BMAL2: variants seen among roughly 807,000 people sequenced by gnomAD.
The protein encoded by BMAL2 is basic helix-loop-helix ARNT-like protein 2.
At chr12:27,390,618 A>C in the BMAL2 span, 1,187 of 163,838 alleles carry the variant, frequency 7.2e-3, 16 homozygotes, top group African/African-American at 0.027. Flanking sequence ...TGATTTGACT[A>C]ATTTTGGTGA....
At chr12:27,374,106 T>G in the BMAL2 span, among the ~76,000 whole-genome samples, 1 of 152,300 alleles carries the variant, frequency 6.6e-6, no homozygotes, top group Admixed American at 6.5e-5. Flanking sequence ...GGAGGCAAAT[T>G]CACTCAGTGA....
At chr12:27,381,665 C>T in the BMAL2 span, among the ~76,000 whole-genome samples, 1 of 152,164 alleles carries the variant, frequency 6.6e-6, no homozygotes, top group East Asian at 1.9e-4. Context: ...AGAGCCAAAC[C>T]ATGTCAACAT....
the BMAL2 span, among the ~76,000 whole-genome samples, chr12:27,363,932 T>C: frequency 8.1e-4 from 123 of 152,326 alleles, no homozygotes; most frequent in South Asian, 0.022. Flanking sequence ...GATGCTGCTA[T>C]AACAAAACAC....
the BMAL2 span, among the ~76,000 whole-genome samples, chr12:27,373,193 A>G: frequency 6.6e-6 from 1 of 152,200 alleles, no homozygotes; most frequent in Admixed American, 6.5e-5. Context: ...GGGCAGGGAA[A>G]GGAAGGGACA....
chr12:27,350,994 C>CCTT, the BMAL2 span, among the ~76,000 whole-genome samples: 25 of 94,286 alleles, frequency 2.7e-4, no homozygotes, highest in East Asian at 1.5e-3. Flanking sequence ...CCCACCCCCC[C>CCTT]TTTTTTTTTT....
At chr12:27,362,300 G>A in the BMAL2 span, among the ~76,000 whole-genome samples, 8 of 152,180 alleles carry the variant, frequency 5.3e-5, no homozygotes, top group African/African-American at 1.9e-4. Context: ...TTGATCTCAT[G>A]TGGTAGGTGG....
the BMAL2 span, among the ~76,000 whole-genome samples, chr12:27,389,546 T>C: frequency 6.6e-6 from 1 of 152,202 alleles, no homozygotes; most frequent in South Asian, 2.1e-4. Context: ...TCATATTTGC[T>C]ATTTTTCATA....
At chr12:27,349,873 C>T in the BMAL2 span, among the ~76,000 whole-genome samples, 6 of 152,072 alleles carry the variant, frequency 3.9e-5, no homozygotes, top group African/African-American at 1.4e-4. Flanking sequence ...GACAAAAATG[C>T]TCTTGCTGTG....
chr12:27,388,656 G>A, the BMAL2 span, among the ~76,000 whole-genome samples: 2 of 152,082 alleles, frequency 1.3e-5, no homozygotes, highest in Non-Finnish European at 2.9e-5. Flanking sequence ...TCTGAGGGGT[G>A]GGACTGTATC....
chr12:27,420,019 G>GCGCGCGCGCACACACACACACACACA, the BMAL2 span, among the ~76,000 whole-genome samples: 190 of 147,562 alleles, frequency 1.3e-3, 1 homozygote, highest in African/African-American at 4.5e-3. Context: ...GTTTGCGCGT[G>GCGCGCGCGCACACACACACACACACA]CACACACACA....
At chr12:27,374,827 T>C in the BMAL2 span, among the ~76,000 whole-genome samples, 3 of 152,216 alleles carry the variant, frequency 2.0e-5, no homozygotes, top group Admixed American at 1.3e-4. Flanking sequence ...CTCCTTCATC[T>C]GTAAAATGGG....
chr12:27,386,998 AC>A, the BMAL2 span, among the ~76,000 whole-genome samples: 1 of 152,196 alleles, frequency 6.6e-6, no homozygotes, highest in Non-Finnish European at 1.5e-5. Context: ...CTGCAGCCAA[AC>A]TTTTCATGTC....
At chr12:27,384,895 A>G in the BMAL2 span, among the ~76,000 whole-genome samples, 1 of 152,328 alleles carries the variant, frequency 6.6e-6, no homozygotes, top group African/African-American at 2.4e-5. Flanking sequence ...ATTTTATTTC[A>G]TGTACATTTT....
the BMAL2 span, among the ~76,000 whole-genome samples, chr12:27,399,228 C>T: frequency 6.3e-3 from 962 of 152,272 alleles, 13 homozygotes; most frequent in African/African-American, 0.022. Flanking sequence ...ATGCTTCAGC[C>T]GCATCTGACC....
chr12:27,333,600 C>T, the BMAL2 span, among the ~76,000 whole-genome samples: 1 of 152,246 alleles, frequency 6.6e-6, no homozygotes, highest in African/African-American at 2.4e-5. Context: ...GCTGATAATA[C>T]TCGCGGCTTC....
the BMAL2 span, among the ~76,000 whole-genome samples, chr12:27,403,981 G>A: frequency 2.6e-5 from 4 of 151,176 alleles, no homozygotes; most frequent in Non-Finnish European, 4.4e-5. Flanking sequence ...TGGGCAACAT[G>A]GCAAAACCTC....
the BMAL2 span, chr12:27,401,370 A>G: frequency 6.2e-7 from 1 of 1,604,894 alleles, no homozygotes; most frequent in South Asian, 1.1e-5. Flanking sequence ...GCAGGTAGGT[A>G]TGCATTGAGC....
the BMAL2 span, among the ~76,000 whole-genome samples, chr12:27,352,352 A>G: frequency 6.6e-6 from 1 of 152,232 alleles, no homozygotes; most frequent in Non-Finnish European, 1.5e-5. Flanking sequence ...ACCTGTCCTC[A>G]TGTGACGGGT....
At chr12:27,370,121 C>CTT in the BMAL2 span, 3 of 1,610,324 alleles carry the variant, frequency 1.9e-6, no homozygotes, top group Admixed American at 5.0e-5. Context: ...AGGCCTCCTT[C>CTT]CTTCCAGGTC....
Sources: gnomAD v4.1 joint callset for allele counts (sites outside exome capture counted in the v4.1 genomes callset) on GRCh38, gnomAD v4.1.1 for gene constraint, MANE v1.5 for transcripts, NCBI Gene and HGNC (gene_info 2026-07-23, HGNC 2026-07-21) for gene names.